Variants in ATG7 observed in about 807,000 individuals in gnomAD.
ATG7 encodes the protein ubiquitin-like modifier-activating enzyme ATG7.
Under a neutral mutation model 82.4 loss-of-function variants are expected in ATG7, and 70 were observed. The observed-to-expected ratio is 0.85, with a 90% CI of 0.70 to 1.04. ATG7 has a LOEUF of 1.04. Among genes scored for constraint, ATG7 ranks in the 50% least tolerant of loss-of-function variants. ATG7 has a pLI of 0.00. For missense variants in ATG7, 792 were observed against 864.3 expected, an observed-to-expected ratio of 0.92 and a Z score of 1.05; for synonymous variants, 287 against 313.0, an observed-to-expected ratio of 0.92 and a Z score of 0.88.
chr3:11,463,844 C>G (rs188446243), intron 20 of ATG7, among the ~76,000 whole-genome samples: 285 of 152,246 alleles, frequency 1.9e-3, no homozygotes, highest in African/African-American at 6.6e-3. Flanking sequence ...CCAGCTGGCT[C>G]TCTTGCTCAT....
At chr3:11,419,208 GCA>G (rs2081700675) in intron 19 of ATG7, among the ~76,000 whole-genome samples, 1 of 152,076 alleles carries the variant, frequency 6.6e-6, no homozygotes, top group African/African-American at 2.4e-5. Context: ...AAATACATTA[GCA>G]ATTGTTTTTA....
chr3:11,335,766 C>T (rs1245684559), intron 11 of ATG7, among the ~76,000 whole-genome samples: 4 of 152,166 alleles, frequency 2.6e-5, no homozygotes, highest in South Asian at 2.1e-4. Context: ...GGCACGATCT[C>T]GGCTCACTGC....
intron 17 of ATG7, 87 bp from the exon 18 acceptor site, chr3:11,364,572 T>G (rs935194415): frequency 6.9e-7 from 1 of 1,449,092 alleles, no homozygotes; most frequent in African/African-American, 1.4e-5. Flanking sequence ...GTTATCCTTA[T>G]GAATCTTATG....
chr3:11,286,586 T>TC (rs1317824408), intron 3 of ATG7, among the ~76,000 whole-genome samples: 10 of 8,962 alleles, frequency 1.1e-3, no homozygotes, highest in Non-Finnish European at 1.9e-3. Flanking sequence ...TTTCTTTCTT[T>TC]TTTTTTTTTT....
chr3:11,363,125 T>A, intron 17 of ATG7, 197 bp downstream of exon 17: 1 of 551,180 alleles, frequency 1.8e-6, no homozygotes, highest in Non-Finnish European at 3.2e-6. Context: ...TGGCCACATT[T>A]CTGCATCTTT....
In ATG7 at chr3:11,557,069, T is replaced by G. The variant is rs1357104917; in HGVS notation, c.*2226T>G. ...GTGAGGTGACCACGCCCACGTCACC[T>G]GGTCAGGTGCCATCGTCGTGAGCCT... On this transcript the variant is annotated 3_prime_UTR_variant, in exon 21 of 21. Transcript: ENST00000693202. 6.6e-6 allele frequency: 1 copy of G among 152,450 alleles called. No individual in the cohort carries two copies. Among genetic ancestry groups the G allele is most frequent in the Admixed American group, 6.5e-5 (1 of 15,276 alleles). 9.4% of individuals were successfully genotyped at this position (152,450 alleles called of 1,614,324 possible).
At chr3:11,458,325 A>G (rs2085949974) in intron 20 of ATG7, among the ~76,000 whole-genome samples, 1 of 151,976 alleles carries the variant, frequency 6.6e-6, no homozygotes, top group Non-Finnish European at 1.5e-5. Flanking sequence ...GTGCAGCGGC[A>G]CCATCTCCGC....
intron 20 of ATG7, chr3:11,510,456 CCT>C: frequency 2.7e-6 from 1 of 365,908 alleles, no homozygotes; most frequent in Non-Finnish European, 5.4e-6. Context: ...CTCCCCACCC[CCT>C]CCCCCATCCC....
intron 20 of ATG7, among the ~76,000 whole-genome samples, chr3:11,512,778 C>A (rs1050382211): frequency 1.3e-5 from 2 of 152,192 alleles, no homozygotes; most frequent in African/African-American, 2.4e-5. Context: ...GGGACCTGAG[C>A]GGGTTGCCAT....
At chr3:11,273,985 C>T (rs1941108845) in intron 1 of ATG7, among the ~76,000 whole-genome samples, 2 of 152,160 alleles carry the variant, frequency 1.3e-5, no homozygotes, top group Admixed American at 6.5e-5. Context: ...CATCCCCCAA[C>T]GCTGCTCCAG....
At chr3:11,412,777 A>T (rs2081032492) in intron 19 of ATG7, among the ~76,000 whole-genome samples, 1 of 152,068 alleles carries the variant, frequency 6.6e-6, no homozygotes, top group Admixed American at 6.5e-5. Flanking sequence ...CTTGGGTAGG[A>T]TCTTAACAAT....
chr3:11,309,834 A>G (rs1248007946), intron 7 of ATG7, among the ~76,000 whole-genome samples: 2 of 152,134 alleles, frequency 1.3e-5, no homozygotes, highest in African/African-American at 2.4e-5. Context: ...TGTATGTTTC[A>G]TAGATTCCTG....
chr3:11,422,740 CTTTTTTTTT>C lies in ATG7; in HGVS notation c.1957-4043_1957-4035del, dbSNP rs557755646. 1.4e-3 allele frequency among the ~76,000 whole-genome samples: 68 copies of C among 49,556 alleles called. 2 individuals are homozygous for C. The highest frequency in any genetic ancestry group is 6.3e-3 in the African/African-American group (62 of 9,874). The allele number at this position is 49,556 out of a possible 152,430, so 32.5% of individuals were successfully genotyped here. ...CCTCACTATGCTTAATCATTTCTAGCTTTTTTTTTTTTTTTTTTTTTTTTTTTTTGGAGA... is the reference window on the plus strand; with the variant it reads ...CCTCACTATGCTTAATCATTTCTAGCTTTTTTTTTTTTTTTTTTTTGGAGA... On this transcript the variant is annotated intron_variant, in intron 19 of 20. Coordinates refer to ENST00000693202, the MANE Select transcript of ATG7 (RefSeq NM_001349232.2).
intron 20 of ATG7, among the ~76,000 whole-genome samples, chr3:11,478,981 A>T (rs190768302): frequency 3.4e-4 from 39 of 114,656 alleles, no homozygotes; most frequent in Non-Finnish European, 7.6e-4. Flanking sequence ...ATGTGCCTGT[A>T]TATTTACAAC....
intron 20 of ATG7, among the ~76,000 whole-genome samples, chr3:11,544,261 T>G (rs1386605686): frequency 6.6e-6 from 1 of 152,168 alleles, no homozygotes; most frequent in East Asian, 1.9e-4. Context: ...ACCCTGGGCC[T>G]TCACCCGGCA....
intron 3 of ATG7, among the ~76,000 whole-genome samples, chr3:11,293,905 C>G (rs1239750218): frequency 1.3e-5 from 2 of 150,498 alleles, no homozygotes; most frequent in South Asian, 2.1e-4. Flanking sequence ...GTAGTCCCAG[C>G]TACTTGGGAG....
At chr3:11,301,370 G>A (rs1253776271) in intron 5 of ATG7, among the ~76,000 whole-genome samples, 4 of 152,172 alleles carry the variant, frequency 2.6e-5, no homozygotes, top group Non-Finnish European at 5.9e-5. Flanking sequence ...GGAAGGTGAA[G>A]AAGTCTTATA....
chr3:11,377,761 G>A (rs1475874200), intron 18 of ATG7, among the ~76,000 whole-genome samples: 2 of 152,150 alleles, frequency 1.3e-5, no homozygotes, highest in African/African-American at 4.8e-5. Flanking sequence ...GGGGTATAGA[G>A]GAGACTCACT....
chr3:11,404,204 C>T (rs752887860), intron 19 of ATG7, among the ~76,000 whole-genome samples: 94 of 138,056 alleles, frequency 6.8e-4, no homozygotes, highest in Non-Finnish European at 1.2e-3. Context: ...GCGATCTTCT[C>T]GGCTCACTGC....
Sources: gnomAD v4.1 joint callset for allele counts (sites outside exome capture counted in the v4.1 genomes callset) on GRCh38, gnomAD v4.1.1 for gene constraint, MANE v1.5 for transcripts, NCBI Gene and HGNC (gene_info 2026-07-23, HGNC 2026-07-21) for gene names.